Variants in PRR5L observed in about 807,000 individuals in gnomAD.
PRR5L encodes proline-rich protein 5-like.
A neutral mutation model predicts 36.4 loss-of-function variants in PRR5L; 21 were observed. That is an observed-to-expected ratio of 0.58 (90% CI 0.41 to 0.83). The LOEUF (loss-of-function observed/expected upper bound fraction) is 0.83, where lower values mean the gene tolerates loss of function less well. Among genes scored for constraint, PRR5L ranks in the 40% least tolerant of loss-of-function variants. The pLI, the probability that PRR5L is intolerant of heterozygous loss-of-function variation, is 0.00. For missense variants in PRR5L, 381 were observed against 473.3 expected (o/e 0.80, Z 1.81); for synonymous variants, 188 against 197.0 (o/e 0.95, Z 0.38).
chr11:36,407,020 G>A (rs1003371698), intron 3 of PRR5L, among the ~76,000 whole-genome samples: 14 of 152,318 alleles, frequency 9.2e-5, no homozygotes, highest in African/African-American at 3.1e-4. Flanking sequence ...TTGAGATAAT[G>A]CTAAAAGCAT....
At chr11:36,297,148 T>G (rs917093781) in intron 1 of PRR5L, among the ~76,000 whole-genome samples, 1 of 152,166 alleles carries the variant, frequency 6.6e-6, no homozygotes, top group Non-Finnish European at 1.5e-5. Context: ...GTCACACAGT[T>G]GTTAAATGGC....
intron 1 of PRR5L, among the ~76,000 whole-genome samples, chr11:36,335,993 G>C (rs1856765131): frequency 6.6e-6 from 1 of 152,120 alleles, no homozygotes; most frequent in South Asian, 2.1e-4. Context: ...GGTGAAAACG[G>C]GAGGAGGCAG....
At chr11:36,437,563 G>C in intron 6 of PRR5L, 87 bp downstream of exon 6, 1 of 780,486 alleles carries the variant, frequency 1.3e-6, no homozygotes, top group Non-Finnish European at 2.1e-6. Context: ...CCTGGTAAAT[G>C]GGAGAAAACT....
In PRR5L at chr11:36,410,508, G is replaced by A. The variant is rs540183794; in HGVS notation, c.245+7130G>A. Among the ~76,000 whole-genome samples the A allele has an allele frequency of 3.9e-5, 6 of 152,238 alleles. No individual in the cohort carries two copies. In the South Asian group the frequency reaches 6.2e-4, roughly 16 times the overall value. ...GGCCCCTGGCAAAGCTCTGAGCATC[G>A]ATCTTATCTGCAAAATGAGGATACA... On this transcript the variant is annotated intron_variant, in intron 3 of 8. Transcript: ENST00000530639.
chr11:36,360,062 CATA>C (rs1565415318), intron 1 of PRR5L, among the ~76,000 whole-genome samples: 4 of 95,770 alleles, frequency 4.2e-5, no homozygotes, highest in Non-Finnish European at 8.6e-5. Context: ...CACACACACA[CATA>C]CACACACACC....
chr11:36,418,058 A>T (rs1469561160), intron 3 of PRR5L, among the ~76,000 whole-genome samples: 3 of 152,212 alleles, frequency 2.0e-5, no homozygotes, highest in Non-Finnish European at 4.4e-5. Flanking sequence ...GTATTTTATT[A>T]GCACTTAAGA....
At chr11:36,356,807 T>C (rs758757949) in intron 1 of PRR5L, among the ~76,000 whole-genome samples, 3 of 152,176 alleles carry the variant, frequency 2.0e-5, no homozygotes, top group Non-Finnish European at 2.9e-5. Flanking sequence ...CTCCCTCTCC[T>C]GGGGCCTTGG....
At chr11:36,456,068 C>CT (rs1299723951) in intron 8 of PRR5L, among the ~76,000 whole-genome samples, 1 of 152,070 alleles carries the variant, frequency 6.6e-6, no homozygotes, top group Admixed American at 6.5e-5. Context: ...ACCACGAGAG[C>CT]TGGGGCTCAG....
intron 8 of PRR5L, 21 bp downstream of exon 8, chr11:36,451,356 G>A: frequency 6.2e-7 from 1 of 1,613,538 alleles, no homozygotes; most frequent in Non-Finnish European, 8.5e-7. Context: ...CAGCTCTCAA[G>A]TTGTCAAGAG....
chr11:36,448,851 T>C (rs7128641), intron 7 of PRR5L, among the ~76,000 whole-genome samples: 46,543 of 152,024 alleles, frequency 0.31, 7,748 homozygotes, highest in African/African-American at 0.43. Context: ...AGGTGGCGAC[T>C]TTTCTCAAGG....
chr11:36,404,596 A>T lies in PRR5L; in HGVS notation c.245+1218A>T, dbSNP rs1857872103. The stretch of plus-strand genomic sequence containing the variant: ...CAGGTCTTTTCATGTCCTGGTATTC[A>T]TTCGTTTCTGGATATGTTAAGTGCA... On this transcript the variant is annotated intron_variant, in intron 3 of 8. Coordinates refer to ENST00000530639, the MANE Select transcript of PRR5L (RefSeq NM_001160167.2). Among the ~76,000 whole-genome samples the T allele has an allele frequency of 2.0e-5, 3 of 152,050 alleles. No homozygotes were observed. The South Asian group carries it at 6.2e-4, about 32-fold the overall frequency.
rs535047584 is a variant in PRR5L, at chr11:36,419,345, TG to T, written c.294+47del. 4.0e-5 allele frequency: 62 copies of T among 1,539,776 alleles called. No individual in the cohort carries two copies. The African/African-American group carries it at 7.2e-4, about 18-fold the overall frequency. On this transcript the variant is annotated intron_variant, in intron 4 of 8. Transcript: ENST00000530639. ...TGAGCATCCATCATTATCATGCATGTGGGGGCATGGACCTAAAAGGGGTGGC... is the reference window on the plus strand; with the variant it reads ...TGAGCATCCATCATTATCATGCATGTGGGGCATGGACCTAAAAGGGGTGGC...
intron 1 of PRR5L, among the ~76,000 whole-genome samples, chr11:36,351,746 A>ATTTATAT (rs1491133144): frequency 1.2e-4 from 9 of 73,526 alleles, no homozygotes; most frequent in African/African-American, 3.4e-4. Context: ...ATTTATATAT[A>ATTTATAT]ATTTATATAT....
In PRR5L at chr11:36,388,694, C is replaced by CTTTTTTTTTTT. The variant is rs1252535250; in HGVS notation, c.-125-12300_-125-12299insTTTTTTTTTTT. ...TTCTTTCATTCAAGGTCGGCTCTTT[C>CTTTTTTTTTTT]TTTCTTTTTTTTTTTTTTTTTTGAG... On this transcript the variant is annotated intron_variant, in intron 1 of 8. Transcript: ENST00000530639. Among the ~76,000 whole-genome samples the CTTTTTTTTTTT allele has an allele frequency of 9.9e-4, 112 of 112,806 alleles. 7 individuals are homozygous for CTTTTTTTTTTT. The highest frequency in any genetic ancestry group is 1.4e-3 in the Non-Finnish European group (83 of 58,110). The allele number at this position is 112,806 out of a possible 152,430, so 74.0% of individuals were successfully genotyped here.
At chr11:36,372,828 G>T (rs1857210528) in intron 1 of PRR5L, among the ~76,000 whole-genome samples, 1 of 152,122 alleles carries the variant, frequency 6.6e-6, no homozygotes, top group Non-Finnish European at 1.5e-5. Flanking sequence ...TTAAAATATT[G>T]GCAAGTAGTT....
At chr11:36,419,226 A>C in intron 3 of PRR5L, 29 bp from the exon 4 acceptor site, 3 of 1,610,800 alleles carry the variant, frequency 1.9e-6, no homozygotes, top group Non-Finnish European at 2.5e-6. Context: ...GGGCTGCTTG[A>C]CGGTGTTTCT....
intron 1 of PRR5L, among the ~76,000 whole-genome samples, chr11:36,343,355 G>A (rs1339136116): frequency 1.3e-5 from 2 of 152,146 alleles, no homozygotes; most frequent in Admixed American, 6.5e-5. Flanking sequence ...TATATAAGAC[G>A]CCTTGACCTT....
intron 1 of PRR5L, among the ~76,000 whole-genome samples, chr11:36,326,183 A>G (rs1282167288): frequency 6.6e-6 from 1 of 152,030 alleles, no homozygotes; most frequent in East Asian, 1.9e-4. Flanking sequence ...TTCTGATTTT[A>G]TTTAATCTGT....
Position 36,463,955 on chromosome 11 carries a change from T to C in PRR5L, c.*1219T>C, listed in dbSNP as rs1859244549. Reference sequence around the variant, plus strand: ...CAGGAAGCATGGAAAATGGAATGTTTCCATGCTTTACAGTGCTGGGAGAGA... The same window carrying C: ...CAGGAAGCATGGAAAATGGAATGTTCCCATGCTTTACAGTGCTGGGAGAGA... On this transcript the variant is annotated 3_prime_UTR_variant, in exon 9 of 9. Coordinates refer to ENST00000530639, the MANE Select transcript of PRR5L (RefSeq NM_001160167.2). 6.6e-6 allele frequency: 1 copy of C among 152,202 alleles called. No homozygotes were observed. Among genetic ancestry groups the C allele is most frequent in the Non-Finnish European group, 1.5e-5 (1 of 68,034 alleles). The allele number at this position is 152,202 out of a possible 1,614,324, so 9.4% of individuals were successfully genotyped here. A position where few individuals can be genotyped will look rare whatever the true frequency, so the allele number is the denominator to read the frequency against.
Sources: allele counts gnomAD v4.1 joint callset (sites outside exome capture counted in the v4.1 genomes callset), GRCh38; gene constraint gnomAD v4.1.1; transcripts MANE v1.5; gene names NCBI Gene and HGNC (gene_info 2026-07-23, HGNC 2026-07-21).